ASMT: variants seen among roughly 807,000 people sequenced by gnomAD.
ASMT encodes acetylserotonin O-methyltransferase, also known as acetylserotonin N-methyltransferase.
Under a neutral mutation model 41.3 loss-of-function variants are expected in ASMT, and 53 were observed. The observed-to-expected ratio is 1.28, with a 90% confidence interval of 1.03 to 1.61. The LOEUF (loss-of-function observed/expected upper bound fraction) is 1.61, where lower values mean the gene tolerates loss of function less well. ASMT is among the 40% of genes most tolerant of loss of function. ASMT has a pLI of 0.00. For missense variants in ASMT, 531 were observed against 441.3 expected, an observed-to-expected ratio of 1.20 and a Z score of -1.82; for synonymous variants, 231 against 184.8, an observed-to-expected ratio of 1.25 and a Z score of -2.03.
chrX:1,627,881 G>T, intron 4 of ASMT, 110 bp downstream of exon 4: 1 of 1,058,504 alleles, frequency 9.4e-7, no homozygotes, highest in Non-Finnish European at 1.5e-6. Flanking sequence ...GGAGGAAGCT[G>T]CCATTTAATT....
At chrX:1,632,249 T>C (rs1934803330) in intron 5 of ASMT, among the ~76,000 whole-genome samples, 1 of 152,060 alleles carries the variant, frequency 6.6e-6, no homozygotes, top group Non-Finnish European at 1.5e-5. Flanking sequence ...GTTAAGTGCG[T>C]GGCCATATGG....
rs776884524 is a variant in ASMT at position 1,624,393 on chromosome X, C to T, written c.369C>T (p.Ala123=). The T allele has an allele frequency of 2.7e-5, 44 of 1,612,928 alleles. No homozygotes were observed. The highest frequency in any genetic ancestry group is 2.2e-5 in the East Asian group (1 of 44,848). ...SYRCWGHLAD[A]VREGRNQYLE... ...GGTGCTGGGGCCACCTGGCAGACGC[C>T]GTGAGGTGGGGGCTGCCCCCAGGCA... Residue 123 remains alanine, a synonymous_variant, in exon 3 of 9, where the codon GCC becomes GCT. Coordinates refer to ENST00000381241, the MANE Select transcript of ASMT (RefSeq NM_001171038.2).
chrX:1,635,678 A>C (rs1200805988), intron 7 of ASMT, among the ~76,000 whole-genome samples: 1 of 151,940 alleles, frequency 6.6e-6, no homozygotes, highest in Non-Finnish European at 1.5e-5. Flanking sequence ...CCTCAGCAAC[A>C]TGGAGAAATC....
chrX:1,642,108 A>T (rs1336595757), intron 8 of ASMT, among the ~76,000 whole-genome samples: 1 of 137,472 alleles, frequency 7.3e-6, no homozygotes. Context: ...TGTGTGTGTG[A>T]TGGGGACGGT....
chrX:1,622,106 C>T (rs1934357263), intron 1 of ASMT, among the ~76,000 whole-genome samples: 1 of 152,070 alleles, frequency 6.6e-6, no homozygotes, highest in African/African-American at 2.4e-5. Context: ...CATTCTCCTG[C>T]CTCAGCCTCC....
rs1935246677 is a variant in ASMT at position 1,642,943 on chromosome X, TCTG to T, written c.1055_1057del (p.Ala352del). 1.2e-6 allele frequency: 2 copies of T among 1,613,990 alleles called. No individual in the cohort carries two copies. Among genetic ancestry groups the T allele is most frequent in the African/African-American group, 1.3e-5 (1 of 75,052 alleles). On this transcript the variant is annotated inframe_deletion, in exon 9 of 9. Transcript: ENST00000381241. ...CACCCACTACCACATGCTCCTCTCT[TCTG>T]CTGGCTTCAGAGACTTCCAGTTTAA...
chrX:1,625,751 G>A (rs1229707825), intron 3 of ASMT, among the ~76,000 whole-genome samples: 7 of 151,422 alleles, frequency 4.6e-5, no homozygotes, highest in East Asian at 2.0e-4. Context: ...TCAGGAGATC[G>A]AGACCATCCT....
intron 5 of ASMT, among the ~76,000 whole-genome samples, chrX:1,630,875 A>ATTTT (rs1284398653): frequency 2.4e-5 from 3 of 124,168 alleles, no homozygotes; most frequent in Non-Finnish European, 5.1e-5. Flanking sequence ...AGCTTGTTTT[A>ATTTT]TTTATTTATT....
intron 1 of ASMT, among the ~76,000 whole-genome samples, chrX:1,620,477 T>A (rs776076240): frequency 4.6e-5 from 7 of 152,040 alleles, no homozygotes; most frequent in African/African-American, 1.7e-4. Context: ...CTAATATAGC[T>A]TTAATAGAAA....
Position 1,624,340 on chromosome X carries a change from C to A in ASMT, c.316C>A (p.Leu106Met). The change falls in exon 3 of 9, where the codon CTG becomes ATG. Residue 106 changes from leucine (L) to methionine (M), a missense_variant. Physicochemically the swap from Leu to Met is conservative, Grantham distance 15. Coordinates refer to ENST00000381241, the MANE Select transcript of ASMT (RefSeq NM_001171038.2). ...TVSPTSQCSM[L>M]KYMGRTSYRC... ...CAGCCCGACGTCACAATGCAGCATG[C>A]TGAAGTACATGGGCAGGACCAGCTA... 1 of 1,613,952 alleles carries A rather than the reference C, an allele frequency of 6.2e-7. No individual in the cohort carries two copies. Among genetic ancestry groups the A allele is most frequent in the Non-Finnish European group, 8.5e-7 (1 of 1,179,878 alleles).
intron 1 of ASMT, among the ~76,000 whole-genome samples, chrX:1,616,932 T>A (rs1314791417): frequency 2.6e-5 from 4 of 151,772 alleles, no homozygotes; most frequent in Non-Finnish European, 4.4e-5. Flanking sequence ...ATGGTCTCGA[T>A]CTCCTGACCT....
chrX:1,629,279 C>T (rs35245559), intron 4 of ASMT, among the ~76,000 whole-genome samples: 26,739 of 151,800 alleles, frequency 0.18, 2,396 homozygotes, highest in Middle Eastern at 0.25. Context: ...GAGGCAAACC[C>T]CTACAGCAGG....
chrX:1,617,258 T>G (rs1934169175), intron 1 of ASMT, among the ~76,000 whole-genome samples: 1 of 151,372 alleles, frequency 6.6e-6, no homozygotes, highest in Admixed American at 6.6e-5. Flanking sequence ...TCACTTGAGG[T>G]CAGGAGTTCA....
chrX:1,617,423 G>T (rs1375633985), intron 1 of ASMT, among the ~76,000 whole-genome samples: 2 of 151,246 alleles, frequency 1.3e-5, no homozygotes, highest in Non-Finnish European at 2.9e-5. Flanking sequence ...AGTGAGCCGA[G>T]ATTATGCCAC....
In ASMT at chrX:1,627,723, T is replaced by C. The variant is rs769033854; in HGVS notation, c.395T>C (p.Leu132Pro). Residue 132 changes from leucine (L) to proline (P), a missense_variant, in exon 4 of 9, where the codon CTG becomes CCG. Leu to Pro is a moderately conservative substitution (Grantham distance 98, BLOSUM62 -3). Coordinates refer to ENST00000381241, the MANE Select transcript of ASMT (RefSeq NM_001171038.2). ...DAVREGRNQY[L>P]ETFGVPAEEL... ...CTTAGAGAAGGAAGGAACCAGTACCTGGAGACGTTTGGCGTTCCCGCTGAA... is the reference window on the plus strand; with the variant it reads ...CTTAGAGAAGGAAGGAACCAGTACCCGGAGACGTTTGGCGTTCCCGCTGAA... 1.9e-6 allele frequency: 3 copies of C among 1,613,954 alleles called. No individual in the cohort carries two copies. Among genetic ancestry groups the C allele is most frequent in the Non-Finnish European group, 1.7e-6 (2 of 1,179,822 alleles).
rs1260319945 is a variant in ASMT, at chrX:1,615,339, A to C, written c.69+71A>C. 1.8e-5 allele frequency: 25 copies of C among 1,417,394 alleles called. No homozygotes were observed. The African/African-American group carries it at 2.8e-4, about 16-fold the overall frequency. The allele number at this position is 1,417,394 out of a possible 1,614,324, so 87.8% of individuals were successfully genotyped here. The stretch of plus-strand genomic sequence containing the variant: ...CACACTCACGTTCCATTGTTGTGTC[A>C]GTCGAGAAAAATGATGAGTCTCCAT... On this transcript the variant is annotated intron_variant, in intron 1 of 8. Transcript: ENST00000381241.
chrX:1,633,079 T>C, intron 6 of ASMT, 71 bp from the exon 7 acceptor site: 1 of 1,581,208 alleles, frequency 6.3e-7, no homozygotes, highest in Non-Finnish European at 8.7e-7. Context: ...CATGAGTCCA[T>C]GGTGTGTGGA....
intron 7 of ASMT, among the ~76,000 whole-genome samples, chrX:1,634,214 T>C (rs186605386): frequency 6.6e-4 from 101 of 152,294 alleles, no homozygotes; most frequent in African/African-American, 2.0e-3. Context: ...AGAATACAGA[T>C]GCATATCAGC....
intron 1 of ASMT, among the ~76,000 whole-genome samples, chrX:1,618,845 T>TGCTC (rs1426625850): frequency 6.6e-6 from 1 of 152,206 alleles, no homozygotes; most frequent in African/African-American, 2.4e-5. Context: ...GGCTATTGAC[T>TGCTC]GCTCATTCAA....
Sources: gnomAD v4.1 joint callset for allele counts (sites outside exome capture counted in the v4.1 genomes callset) on GRCh38, gnomAD v4.1.1 for gene constraint, MANE v1.5 for transcripts, NCBI Gene and HGNC (gene_info 2026-07-23, HGNC 2026-07-21) for gene names.